ATP8A1: variants seen among roughly 807,000 people sequenced by gnomAD.
ATP8A1 encodes ATPase phospholipid transporting 8A1.
A neutral mutation model predicts 177.7 loss-of-function variants in ATP8A1; 90 were observed. That is an observed-to-expected ratio of 0.51 (90% confidence interval 0.43 to 0.60). The LOEUF (loss-of-function observed/expected upper bound fraction) is 0.60, where lower values mean the gene tolerates loss of function less well. Among genes scored for constraint, ATP8A1 ranks in the 20% least tolerant of loss-of-function variants. The pLI, the probability that ATP8A1 is intolerant of heterozygous loss-of-function variation, is 0.00. For synonymous variants in ATP8A1, 493 were observed against 485.9 expected (o/e 1.01, Z -0.19); for missense variants, 1,072 against 1,392.8 (o/e 0.77, Z 3.67).
At chr4:42,455,478 T>G in intron 28 of ATP8A1, 47 bp downstream of exon 28, 1 of 1,613,468 alleles carries the variant, frequency 6.2e-7, no homozygotes, top group Non-Finnish European at 8.5e-7. Flanking sequence ...AACCTTTATC[T>G]CCCAAGTATT....
chr4:42,453,092 G>A (rs926690172), intron 29 of ATP8A1, among the ~76,000 whole-genome samples: 19 of 152,148 alleles, frequency 1.2e-4, no homozygotes, highest in African/African-American at 4.3e-4. Context: ...TTGACAGAAA[G>A]CACAGGTGGG....
intron 5 of ATP8A1, among the ~76,000 whole-genome samples, chr4:42,608,643 C>G (rs1302609614): frequency 6.6e-6 from 1 of 152,168 alleles, no homozygotes; most frequent in Non-Finnish European, 1.5e-5. Context: ...CAGGCGTCAG[C>G]CACCGCACCC....
rs1159794343 is a variant in ATP8A1, at chr4:42,576,475, CAAAAAAAAAAAAAAAA to C, written c.1129-792_1129-777del. ...TGGGCGACAGAGCAAGACGCCGTCT[CAAAAAAAAAAAAAAAA>C]AAAAAAAAAAAAAAAGAGCATAGTT... On this transcript the variant is annotated intron_variant, in intron 12 of 36. Coordinates refer to ENST00000381668, the MANE Select transcript of ATP8A1 (RefSeq NM_006095.2). Among the ~76,000 whole-genome samples, 10 of 32,404 alleles carry C rather than the reference CAAAAAAAAAAAAAAAA, an allele frequency of 3.1e-4. No homozygotes were observed. The Admixed American group carries it at 3.6e-3, about 12-fold the overall frequency. 21.3% of individuals were successfully genotyped at this position (32,404 alleles called of 152,430 possible).
chr4:42,604,486 G>T (rs1318106121), intron 5 of ATP8A1, among the ~76,000 whole-genome samples: 1 of 152,098 alleles, frequency 6.6e-6, no homozygotes, highest in Non-Finnish European at 1.5e-5. Flanking sequence ...ATTCTTATCT[G>T]TCATAGGATC....
intron 6 of ATP8A1, chr4:42,594,448 C>T (rs1469574344): frequency 4.0e-5 from 23 of 573,308 alleles, no homozygotes; most frequent in Non-Finnish European, 6.0e-5. Context: ...ATAGAATACA[C>T]AGTAAAAATG....
chr4:42,540,438 G>GA lies in ATP8A1; in HGVS notation c.1722+3478dup, dbSNP rs199748272. 3.8e-4 allele frequency among the ~76,000 whole-genome samples: 55 copies of GA among 146,126 alleles called. 1 individual carries two copies. In the South Asian group the frequency reaches 6.7e-3, roughly 18 times the overall value. Reference sequence around the variant, plus strand: ...CCCACTACTGGGTAAGTACCCAAAGGAAAAAAAAAATCAATATATCAAAGG... The same window carrying GA: ...CCCACTACTGGGTAAGTACCCAAAGGAAAAAAAAAAATCAATATATCAAAGG... On this transcript the variant is annotated intron_variant, in intron 20 of 36. Transcript: ENST00000381668.
At chr4:42,497,761 C>T (rs947489356) in intron 24 of ATP8A1, among the ~76,000 whole-genome samples, 1 of 152,140 alleles carries the variant, frequency 6.6e-6, no homozygotes, top group African/African-American at 2.4e-5. Context: ...AAAAGGAGAA[C>T]AGATTATTTG....
At chr4:42,594,289 C>T in intron 6 of ATP8A1, 1 of 1,584,492 alleles carries the variant, frequency 6.3e-7, no homozygotes, top group Admixed American at 1.7e-5. Flanking sequence ...GCATCTCTAC[C>T]TTGATGAGAG....
chr4:42,465,175 T>A (rs1005953459), intron 25 of ATP8A1, 99 bp from the exon 26 acceptor site: 1 of 1,048,018 alleles, frequency 9.5e-7, no homozygotes, highest in Non-Finnish European at 1.4e-6. Context: ...CCTAAATGAA[T>A]AGTTCTCTGA....
At chr4:42,580,811 C>G (rs931144825) in intron 10 of ATP8A1, among the ~76,000 whole-genome samples, 1 of 152,086 alleles carries the variant, frequency 6.6e-6, no homozygotes, top group East Asian at 1.9e-4. Context: ...AGGGACGGAG[C>G]AACTGTAGGC....
chr4:42,528,891 C>G (rs557723251), intron 20 of ATP8A1, among the ~76,000 whole-genome samples: 1 of 152,124 alleles, frequency 6.6e-6, no homozygotes, highest in Admixed American at 6.5e-5. Context: ...AATTAAGGGA[C>G]CTTCTACCCC....
chr4:42,514,785 A>G (rs1301799708), intron 22 of ATP8A1, among the ~76,000 whole-genome samples: 1 of 152,184 alleles, frequency 6.6e-6, no homozygotes, highest in Admixed American at 6.5e-5. Flanking sequence ...ACCACTGGAT[A>G]TGGGTCCCTG....
At chr4:42,631,215 C>T (rs2109507542) in intron 1 of ATP8A1, among the ~76,000 whole-genome samples, 1 of 152,212 alleles carries the variant, frequency 6.6e-6, no homozygotes, top group African/African-American at 2.4e-5. Flanking sequence ...ACCTATTATA[C>T]CTCTGGTTCA....
intron 1 of ATP8A1, among the ~76,000 whole-genome samples, chr4:42,653,469 A>G (rs1362820411): frequency 6.6e-6 from 1 of 152,184 alleles, no homozygotes; most frequent in African/African-American, 2.4e-5. Context: ...TGAGTTAATG[A>G]TTCAGTCAGA....
Position 42,524,743 on chromosome 4 carries a change from TA to T in ATP8A1, c.1807+19del. On this transcript the variant is annotated intron_variant, in intron 21 of 36. Coordinates refer to ENST00000381668, the MANE Select transcript of ATP8A1 (RefSeq NM_006095.2). ...ATTTCTTTGTATTTTAATCATGCTT[TA>T]TTGCCAAATTACACTTACCTTCTGT... 1 of 1,524,442 alleles carries T rather than the reference TA, an allele frequency of 6.6e-7. No individual in the cohort carries two copies. The highest frequency in any genetic ancestry group is 9.0e-7 in the Non-Finnish European group (1 of 1,105,520). 94.4% of individuals were successfully genotyped at this position (1,524,442 alleles called of 1,614,324 possible). A position where few individuals can be genotyped will look rare whatever the true frequency, so the allele number is the denominator to read the frequency against.
intron 1 of ATP8A1, among the ~76,000 whole-genome samples, chr4:42,628,324 G>T (rs1738334993): frequency 6.6e-6 from 1 of 152,226 alleles, no homozygotes; most frequent in African/African-American, 2.4e-5. Flanking sequence ...CTACAAAGGT[G>T]AGAAGCATGA....
intron 17 of ATP8A1, among the ~76,000 whole-genome samples, chr4:42,551,821 T>A (rs1729531754): frequency 6.6e-6 from 1 of 152,184 alleles, no homozygotes; most frequent in Non-Finnish European, 1.5e-5. Context: ...CCTAATGATA[T>A]GAGACATAAC....
At position 42,600,509 on chromosome 4, in the gene ATP8A1, T is replaced by C; in HGVS notation, c.419A>G (p.Asn140Ser). Reference protein sequence around the residue: ...VNKKQTQVLRNGAWEIVHWEK... With the variant: ...VNKKQTQVLRSGAWEIVHWEK... ...CCAGTGGACAATTTCCCAAGCACCA[T>C]TTCTCAAAACTGGAAAGAGAAAAGG... The change falls in exon 6 of 37, where the codon AAT becomes AGT. Residue 140 changes from asparagine (N) to serine (S), a missense_variant. By Grantham distance (46) the Asn-to-Ser change is conservative. This residue lies in a region of ATP8A1 where 344 missense variants were observed against 393.5 expected (regional missense o/e 0.87). Coordinates refer to ENST00000381668, the MANE Select transcript of ATP8A1 (RefSeq NM_006095.2). 6.2e-7 allele frequency: 1 copy of C among 1,609,686 alleles called. No individual in the cohort carries two copies. Among genetic ancestry groups the C allele is most frequent in the Non-Finnish European group, 8.5e-7 (1 of 1,178,530 alleles).
At chr4:42,586,829 A>C (rs1733658188) in intron 8 of ATP8A1, among the ~76,000 whole-genome samples, 1 of 152,246 alleles carries the variant, frequency 6.6e-6, no homozygotes, top group Non-Finnish European at 1.5e-5. Context: ...GAATCTAAAC[A>C]AGATGAAAAT....
Sources: allele counts gnomAD v4.1 joint callset (sites outside exome capture counted in the v4.1 genomes callset), GRCh38; gene constraint gnomAD v4.1.1; regional missense constraint gnomAD v4.1.1; transcripts MANE v1.5; gene names NCBI Gene and HGNC (gene_info 2026-07-23, HGNC 2026-07-21).